Variants in PHF21B observed in about 807,000 individuals in gnomAD.
PHF21B encodes PHD finger protein 4.
Under a neutral mutation model 62.2 loss-of-function variants are expected in PHF21B, and 22 were observed. That is an observed-to-expected ratio of 0.35 (90% confidence interval 0.25 to 0.51). PHF21B has a LOEUF of 0.51. Ranked by LOEUF, PHF21B falls within the 20% of genes least tolerant of loss-of-function variation. The pLI is 0.97. For synonymous variants in PHF21B, 341 were observed against 314.7 expected, an observed-to-expected ratio of 1.08 and a Z score of -0.88; for missense variants, 701 against 707.9, an observed-to-expected ratio of 0.99 and a Z score of 0.11.
At chr22:44,996,751 T>A (rs1252478117) in intron 2 of PHF21B, among the ~76,000 whole-genome samples, 1 of 150,298 alleles carries the variant, frequency 6.7e-6, no homozygotes, top group Non-Finnish European at 1.5e-5. Flanking sequence ...AACACCCACA[T>A]GCACACACGG....
intron 2 of PHF21B, among the ~76,000 whole-genome samples, chr22:45,005,760 A>T (rs2073303868): frequency 6.6e-6 from 1 of 152,232 alleles, no homozygotes; most frequent in South Asian, 2.1e-4. Flanking sequence ...CCGATGTTCC[A>T]GCACAGAAAA....
chr22:44,929,752 A>G (rs1192171871), intron 2 of PHF21B, among the ~76,000 whole-genome samples: 1 of 152,216 alleles, frequency 6.6e-6, no homozygotes, highest in African/African-American at 2.4e-5. Context: ...AGTCGTTCCA[A>G]TGGTGCCACT....
chr22:44,916,511 T>A lies in PHF21B; in HGVS notation c.333A>T (p.Pro111=), dbSNP rs758919088. 22 of 1,562,540 alleles carry A rather than the reference T, an allele frequency of 1.4e-5. No homozygotes were observed. The South Asian group carries it at 2.0e-4, about 14-fold the overall frequency. ...ATVVSVKNPS[P]ALPTANNTVS... ...CAGTGTTGTTGGCGGTGGGGAGGGC[T>A]GGGCTGGGGTTCTTGACGCTGACCA... Residue 111 remains proline (P), a synonymous_variant, in exon 4 of 13, where the codon CCA becomes CCT. Coordinates refer to ENST00000313237, the MANE Select transcript of PHF21B (RefSeq NM_138415.5).
At chr22:44,941,690 G>A (rs1474349483) in intron 2 of PHF21B, among the ~76,000 whole-genome samples, 1 of 152,162 alleles carries the variant, frequency 6.6e-6, no homozygotes, top group Non-Finnish European at 1.5e-5. Flanking sequence ...CCTCGATGTG[G>A]GCTCGGGAGC....
chr22:44,955,477 T>C (rs1405243008), intron 2 of PHF21B, among the ~76,000 whole-genome samples: 9 of 152,172 alleles, frequency 5.9e-5, no homozygotes, highest in East Asian at 1.9e-4. Context: ...GATCAGCATA[T>C]GGGTAGGTAG....
At chr22:44,938,237 GTTT>G (rs375364728) in intron 2 of PHF21B, among the ~76,000 whole-genome samples, 10 of 151,992 alleles carry the variant, frequency 6.6e-5, no homozygotes, top group African/African-American at 2.4e-4. Flanking sequence ...ACCATGCCTG[GTTT>G]TTTGTTTTTT....
intron 5 of PHF21B, among the ~76,000 whole-genome samples, chr22:44,899,686 G>A (rs888118811): frequency 6.7e-6 from 1 of 149,764 alleles, no homozygotes; most frequent in African/African-American, 2.5e-5. Flanking sequence ...TGTCTTAAGG[G>A]GTTTTAAATT....
At chr22:44,909,680 A>G (rs1338457448) in intron 5 of PHF21B, among the ~76,000 whole-genome samples, 1 of 152,198 alleles carries the variant, frequency 6.6e-6, no homozygotes, top group Admixed American at 6.5e-5. Flanking sequence ...TGCAGTCCGA[A>G]AGCCCAGCTG....
At chr22:44,980,068 CAAAAAAAAAAAAA>C (rs71190605) in intron 2 of PHF21B, among the ~76,000 whole-genome samples, 10 of 57,216 alleles carry the variant, frequency 1.7e-4, no homozygotes, top group South Asian at 9.9e-4. Flanking sequence ...GACTTCGTCT[CAAAAAAAAAAAAA>C]AAAAAAAAAA....
At chr22:44,956,045 C>T (rs1366943510) in intron 2 of PHF21B, among the ~76,000 whole-genome samples, 1 of 152,228 alleles carries the variant, frequency 6.6e-6, no homozygotes, top group Non-Finnish European at 1.5e-5. Context: ...ACTGTCTCCT[C>T]CCACCCCACA....
rs573936662 is a variant in PHF21B at position 44,925,478 on chromosome 22, G to A, written c.121-4988C>T. On this transcript the variant is annotated intron_variant, in intron 2 of 12. Transcript: ENST00000313237. Reference sequence around the variant, plus strand: ...GCCTCCTCTTTGCCACCTGTCCCATGGGGGTCAAAACTCTGAGAGGCTCAT... The same window carrying A: ...GCCTCCTCTTTGCCACCTGTCCCATAGGGGTCAAAACTCTGAGAGGCTCAT... Among the ~76,000 whole-genome samples, 5 of 152,292 alleles carry A rather than the reference G, an allele frequency of 3.3e-5. No homozygotes were observed. The East Asian group carries it at 7.7e-4, about 24-fold the overall frequency.
intron 2 of PHF21B, among the ~76,000 whole-genome samples, chr22:44,948,230 G>A (rs984262360): frequency 5.3e-5 from 8 of 152,094 alleles, no homozygotes; most frequent in African/African-American, 7.2e-5. Context: ...ATAATTACAC[G>A]ACTCACCATA....
chr22:44,944,595 T>C (rs955064029), intron 2 of PHF21B, among the ~76,000 whole-genome samples: 3 of 152,188 alleles, frequency 2.0e-5, no homozygotes, highest in African/African-American at 7.2e-5. Context: ...CCAAGTCCAC[T>C]CCTGAGCCTG....
At chr22:44,961,696 C>T (rs1038367295) in intron 2 of PHF21B, among the ~76,000 whole-genome samples, 4 of 151,864 alleles carry the variant, frequency 2.6e-5, no homozygotes, top group Admixed American at 2.6e-4. Context: ...TGAAAATAAG[C>T]CAGGCGTGGT....
intron 2 of PHF21B, among the ~76,000 whole-genome samples, chr22:44,934,253 T>C (rs781491334): frequency 1.5e-4 from 23 of 152,198 alleles, no homozygotes; most frequent in Non-Finnish European, 2.4e-4. Flanking sequence ...ACCCACCTGC[T>C]TCCCCTGTCC....
chr22:44,914,185 G>A lies in PHF21B; in HGVS notation c.565-97C>T, dbSNP rs942848561. 1.9e-5 allele frequency: 11 copies of A among 590,800 alleles called. No individual in the cohort carries two copies. The African/African-American group carries it at 1.9e-4, about 10-fold the overall frequency. 36.6% of individuals were successfully genotyped at this position (590,800 alleles called of 1,614,324 possible). On this transcript the variant is annotated intron_variant, in intron 4 of 12. Coordinates refer to ENST00000313237, the MANE Select transcript of PHF21B (RefSeq NM_138415.5). ...CACAGGGCAGGGGTTGGGGAGCACA[G>A]AGCCTGGGCCAGGCCAACCTGGGAG...
intron 2 of PHF21B, 54 bp from the exon 3 acceptor site, chr22:44,920,544 C>T: frequency 7.0e-7 from 1 of 1,422,578 alleles, no homozygotes; most frequent in Non-Finnish European, 9.7e-7. Context: ...GAGACCGAAT[C>T]CGTTGCCCCC....
chr22:44,975,077 T>G (rs544562654), intron 2 of PHF21B, among the ~76,000 whole-genome samples: 1 of 152,114 alleles, frequency 6.6e-6, no homozygotes, highest in East Asian at 1.9e-4. Flanking sequence ...CACCTTCTCC[T>G]CTCTCTCCAC....
intron 7 of PHF21B, among the ~76,000 whole-genome samples, chr22:44,892,109 C>G (rs6007371): frequency 0.2 from 30,304 of 152,222 alleles, 4,675 homozygotes; most frequent in African/African-American, 0.43. Context: ...CTCGTCCACA[C>G]AGCAGCCTGC....
Sources: gnomAD v4.1 joint callset for allele counts (sites outside exome capture counted in the v4.1 genomes callset) on GRCh38, gnomAD v4.1.1 for gene constraint, MANE v1.5 for transcripts, NCBI Gene and HGNC (gene_info 2026-07-23, HGNC 2026-07-21) for gene names.